The following ALG14 variants were observed in gnomAD, a reference collection of about 807,000 sequenced individuals.
ALG14 encodes the protein ALG14 UDP-N-acetylglucosaminyltransferase subunit, also known as UDP-N-acetylglucosamine transferase subunit ALG14.
In ALG14, 17 loss-of-function variants were observed where a neutral mutation model predicts 22.8. The observed-to-expected ratio is 0.75, with a 90% CI of 0.51 to 1.12. The LOEUF (loss-of-function observed/expected upper bound fraction) is 1.12, where lower values mean the gene tolerates loss of function less well. Ranked by LOEUF, ALG14 falls within the 50% of genes most tolerant of loss-of-function variation. The pLI is 0.00. For synonymous variants in ALG14, 89 were observed against 103.7 expected (o/e 0.86, Z 0.86); for missense variants, 288 against 271.8 (o/e 1.06, Z -0.42).
chr1:95,030,282 G>C (rs933274156), intron 2 of ALG14, among the ~76,000 whole-genome samples: 1 of 151,726 alleles, frequency 6.6e-6, no homozygotes, highest in African/African-American at 2.4e-5. Context: ...ATCAGGTTTT[G>C]CCGTTAAATA....
At chr1:94,995,012 G>A (rs1473513642) in intron 3 of ALG14, among the ~76,000 whole-genome samples, 1 of 152,126 alleles carries the variant, frequency 6.6e-6, no homozygotes, top group Non-Finnish European at 1.5e-5. Flanking sequence ...TATAACTCCT[G>A]ACTTCAATCA....
In ALG14 at chr1:95,017,017, G is replaced by C. The variant is rs1177472618; in HGVS notation, c.420+10112C>G. Among the ~76,000 whole-genome samples the C allele has an allele frequency of 2.0e-5, 3 of 147,896 alleles. No individual in the cohort carries two copies. In the East Asian group the frequency reaches 6.1e-4, roughly 30 times the overall value. On this transcript the variant is annotated intron_variant, in intron 3 of 3. Transcript: ENST00000370205. ...TGTGTAGTGTGGTGTGAAATACCTT[G>C]ACCAAATATGTGGTCCCAATACTGA...
At chr1:95,033,547 T>G (rs1426611334) in intron 2 of ALG14, among the ~76,000 whole-genome samples, 2 of 151,772 alleles carry the variant, frequency 1.3e-5, no homozygotes, top group Non-Finnish European at 2.9e-5. Context: ...CTTAAAACTA[T>G]TATATTTTCC....
intron 2 of ALG14, among the ~76,000 whole-genome samples, chr1:95,040,206 A>C (rs1258403715): frequency 6.6e-6 from 1 of 150,636 alleles, no homozygotes; most frequent in East Asian, 1.9e-4. Context: ...TAAATAAATA[A>C]ATAAGATTCC....
At chr1:94,998,791 G>A (rs1460224035) in intron 3 of ALG14, among the ~76,000 whole-genome samples, 1 of 152,192 alleles carries the variant, frequency 6.6e-6, no homozygotes, top group African/African-American at 2.4e-5. Flanking sequence ...GGGTTACTGT[G>A]AGGATTAAAT....
intron 2 of ALG14, among the ~76,000 whole-genome samples, chr1:95,044,078 A>G (rs1674466962): frequency 6.6e-6 from 1 of 152,128 alleles, no homozygotes; most frequent in African/African-American, 2.4e-5. Flanking sequence ...CATTCTTACA[A>G]TTGCTCAGAA....
intron 3 of ALG14, among the ~76,000 whole-genome samples, chr1:95,006,641 T>C (rs538360912): frequency 6.6e-6 from 1 of 152,330 alleles, no homozygotes; most frequent in South Asian, 2.1e-4. Context: ...CCTTAGAACC[T>C]GCCTCCAGTG....
chr1:95,066,731 C>T (rs1479584528), intron 1 of ALG14, among the ~76,000 whole-genome samples: 5 of 151,456 alleles, frequency 3.3e-5, no homozygotes, highest in Non-Finnish European at 7.4e-5. Flanking sequence ...GGTTTAGCCT[C>T]GAAAAAAAAC....
intron 2 of ALG14, chr1:95,041,606 C>A (rs1302856388): frequency 1.3e-5 from 2 of 149,248 alleles, no homozygotes; most frequent in Non-Finnish European, 3.0e-5. Flanking sequence ...ACAGTGAGAC[C>A]CCGTCTCTTT....
intron 2 of ALG14, among the ~76,000 whole-genome samples, chr1:95,045,891 A>AGT (rs1674534022): frequency 6.7e-6 from 1 of 148,534 alleles, no homozygotes. Flanking sequence ...TAATAGAATT[A>AGT]ATATACTAAT....
chr1:95,000,777 T>TAAAAAAAAAAAAAAAAAAAA (rs56810994), intron 3 of ALG14, among the ~76,000 whole-genome samples: 1 of 65,224 alleles, frequency 1.5e-5, no homozygotes, highest in Non-Finnish European at 3.1e-5. Flanking sequence ...TATGCCACAC[T>TAAAAAAAAAAAAAAAAAAAA]AAAAAAAAAA....
rs1380923046 is a variant in ALG14, at chr1:94,982,429, CAAG to C, written c.*644_*646del. 1 of 152,076 alleles carries C rather than the reference CAAG, an allele frequency of 6.6e-6. No individual in the cohort carries two copies. The highest frequency in any genetic ancestry group is 2.4e-5 in the African/African-American group (1 of 41,366). 9.4% of individuals were successfully genotyped at this position (152,076 alleles called of 1,614,324 possible). ...GTGTGAGCCGTCATGCCGGCCTAAA[CAAG>C]AGATTTTAAAAGATACTCTGTATTA... On this transcript the variant is annotated 3_prime_UTR_variant, in exon 4 of 4. Coordinates refer to ENST00000370205, the MANE Select transcript of ALG14 (RefSeq NM_144988.4).
chr1:95,006,235 G>A (rs1232020687), intron 3 of ALG14, among the ~76,000 whole-genome samples: 1 of 152,150 alleles, frequency 6.6e-6, no homozygotes, highest in African/African-American at 2.4e-5. Context: ...GCCTGGGTAT[G>A]TACATATTGC....
chr1:95,039,811 G>A (rs1674324056), intron 2 of ALG14, among the ~76,000 whole-genome samples: 1 of 152,070 alleles, frequency 6.6e-6, no homozygotes, highest in Non-Finnish European at 1.5e-5. Flanking sequence ...GATGCTGACA[G>A]GCCCTGGAGA....
intron 2 of ALG14, among the ~76,000 whole-genome samples, chr1:95,048,161 G>C (rs1232212525): frequency 1.3e-5 from 2 of 152,060 alleles, no homozygotes; most frequent in African/African-American, 2.4e-5. Flanking sequence ...TTTTTTGATT[G>C]AATTAGCAAA....
At chr1:95,034,277 C>T (rs775789607) in intron 2 of ALG14, among the ~76,000 whole-genome samples, 4 of 152,210 alleles carry the variant, frequency 2.6e-5, no homozygotes, top group African/African-American at 9.7e-5. Flanking sequence ...TCACCATTAC[C>T]TCCAATTAAC....
chr1:94,995,500 G>A (rs891304791), intron 3 of ALG14, among the ~76,000 whole-genome samples: 3 of 152,196 alleles, frequency 2.0e-5, no homozygotes, highest in Non-Finnish European at 4.4e-5. Context: ...ATCACTTGAG[G>A]TCAGGGGTTT....
chr1:95,017,264 T>A (rs1673530741), intron 3 of ALG14, among the ~76,000 whole-genome samples: 1 of 152,058 alleles, frequency 6.6e-6, no homozygotes, highest in Admixed American at 6.6e-5. Context: ...TTCCTACACA[T>A]CTAACTCCTG....
At chr1:95,072,673 G>A (rs1234899282) in intron 1 of ALG14, 90 bp downstream of exon 1, 2 of 1,532,742 alleles carry the variant, frequency 1.3e-6, no homozygotes, top group Non-Finnish European at 1.8e-6. Context: ...ACTCCAAGAA[G>A]TGCTAAGGGT....
Sources: gnomAD v4.1 joint callset for allele counts (sites outside exome capture counted in the v4.1 genomes callset) on GRCh38, gnomAD v4.1.1 for gene constraint, MANE v1.5 for transcripts, NCBI Gene and HGNC (gene_info 2026-07-23, HGNC 2026-07-21) for gene names.